GPR158: variants seen among roughly 807,000 people sequenced by gnomAD.
The protein encoded by GPR158 is metabotropic glycine receptor.
Under a neutral mutation model 78.2 loss-of-function variants are expected in GPR158, and 30 were observed. The ratio of observed to expected loss-of-function variants is 0.38; its 90% CI spans 0.29 to 0.52. The LOEUF (loss-of-function observed/expected upper bound fraction) is 0.52, where lower values mean the gene tolerates loss of function less well. Ranked by LOEUF, GPR158 falls within the 20% of genes least tolerant of loss-of-function variation. The pLI is 0.83. For synonymous variants in GPR158, 581 were observed against 591.1 expected (o/e 0.98, Z 0.25); for missense variants, 1,463 against 1,523.5 (o/e 0.96, Z 0.66).
chr10:25,419,058 A>G (rs1834709111), intron 4 of GPR158, among the ~76,000 whole-genome samples: 1 of 152,018 alleles, frequency 6.6e-6, no homozygotes, highest in Admixed American at 6.6e-5. Context: ...AAAGTTAGGT[A>G]TGTCATATTT....
chr10:25,333,959 TCAGATATTGCTTTATTTTGTAAAC>T (rs1369294549), intron 2 of GPR158, among the ~76,000 whole-genome samples: 3 of 152,134 alleles, frequency 2.0e-5, no homozygotes, highest in African/African-American at 7.2e-5. Flanking sequence ...ACAGTGTTCC[TCAGATATTGCTTTATTTTGTAAAC>T]CAGATATTGC....
intron 1 of GPR158, among the ~76,000 whole-genome samples, chr10:25,200,700 TA>T (rs1294857198): frequency 6.6e-6 from 1 of 152,088 alleles, no homozygotes; most frequent in South Asian, 2.1e-4. Context: ...TGTCCAGTGT[TA>T]AAAATCTTCT....
At chr10:25,517,087 A>G (rs1836187286) in intron 5 of GPR158, among the ~76,000 whole-genome samples, 1 of 149,472 alleles carries the variant, frequency 6.7e-6, no homozygotes, top group Non-Finnish European at 1.5e-5. Flanking sequence ...GGTCCTTCAC[A>G]TCCCTTGTAA....
intron 2 of GPR158, among the ~76,000 whole-genome samples, chr10:25,253,600 G>A (rs1853846287): frequency 6.6e-6 from 1 of 152,126 alleles, no homozygotes; most frequent in African/African-American, 2.4e-5. Flanking sequence ...ATTTTTACAA[G>A]CTTGCTGTGT....
intron 1 of GPR158, among the ~76,000 whole-genome samples, chr10:25,216,425 C>T (rs1853215089): frequency 6.6e-6 from 1 of 151,960 alleles, no homozygotes; most frequent in Admixed American, 6.6e-5. Context: ...TCTATCCATT[C>T]CTCCATAGCA....
At chr10:25,262,380 C>T (rs1301533359) in intron 2 of GPR158, among the ~76,000 whole-genome samples, 1 of 151,922 alleles carries the variant, frequency 6.6e-6, no homozygotes. Context: ...TTAATGATTG[C>T]AATACACTTT....
chr10:25,273,198 G>A (rs1164207771), intron 2 of GPR158, among the ~76,000 whole-genome samples: 2 of 152,036 alleles, frequency 1.3e-5, no homozygotes, highest in South Asian at 4.1e-4. Context: ...TGATCATCAG[G>A]TATAATGCCA....
chr10:25,449,247 T>C (rs767159398), intron 4 of GPR158, among the ~76,000 whole-genome samples: 1 of 152,238 alleles, frequency 6.6e-6, no homozygotes, highest in Admixed American at 6.5e-5. Context: ...ATGATAATGA[T>C]GTCTCATTTT....
chr10:25,471,766 A>G (rs984400857), intron 5 of GPR158, among the ~76,000 whole-genome samples: 4 of 152,272 alleles, frequency 2.6e-5, no homozygotes, highest in Admixed American at 2.0e-4. Context: ...TCTTCTTTTG[A>G]GAAGTGTCTG....
chr10:25,558,783 C>T (rs1397302831), intron 6 of GPR158, among the ~76,000 whole-genome samples: 1 of 152,056 alleles, frequency 6.6e-6, no homozygotes, highest in Non-Finnish European at 1.5e-5. Flanking sequence ...TTTTATTTTC[C>T]AAATATTAGG....
At chr10:25,220,081 G>T (rs898924664) in intron 1 of GPR158, among the ~76,000 whole-genome samples, 1 of 152,082 alleles carries the variant, frequency 6.6e-6, no homozygotes, top group Non-Finnish European at 1.5e-5. Flanking sequence ...TAAATTAGGG[G>T]TGTGGGGCCT....
intron 1 of GPR158, among the ~76,000 whole-genome samples, chr10:25,215,920 A>G (rs1853206161): frequency 1.3e-5 from 2 of 152,252 alleles, no homozygotes; most frequent in African/African-American, 2.4e-5. Flanking sequence ...GCATTTGTCT[A>G]GAAACTTTCT....
At position 25,241,360 on chromosome 10, in the gene GPR158, CTCTTT is replaced by C. The variant is rs1009774559; in HGVS notation, c.1008+20212_1008+20216del. Among the ~76,000 whole-genome samples, 86 of 104,564 alleles carry C rather than the reference CTCTTT, an allele frequency of 8.2e-4. 3 individuals are homozygous for C. The South Asian group carries it at 0.024, about 29-fold the overall frequency. The allele number at this position is 104,564 out of a possible 152,430, so 68.6% of individuals were successfully genotyped here. A position where few individuals can be genotyped will look rare whatever the true frequency, so the allele number is the denominator to read the frequency against. ...TCTTTTCTCTTTTCTCTTTTCTTTT[CTCTTT>C]TCTTTTCTCTCTTCTCTTCTCTTCT... On this transcript the variant is annotated intron_variant, in intron 2 of 10. Coordinates refer to ENST00000376351, the MANE Select transcript of GPR158 (RefSeq NM_020752.3).
chr10:25,270,779 CA>C (rs1854108133), intron 2 of GPR158, among the ~76,000 whole-genome samples: 1 of 152,160 alleles, frequency 6.6e-6, no homozygotes, highest in African/African-American at 2.4e-5. Flanking sequence ...ATCTATCCAG[CA>C]ACACCTCAGT....
intron 5 of GPR158, among the ~76,000 whole-genome samples, chr10:25,526,135 A>C (rs891674495): frequency 6.7e-6 from 1 of 148,826 alleles, no homozygotes. Flanking sequence ...AAAAAAAGTC[A>C]TAGCAATTCT....
intron 2 of GPR158, among the ~76,000 whole-genome samples, chr10:25,267,658 A>G (rs1296085426): frequency 6.6e-6 from 1 of 152,180 alleles, no homozygotes; most frequent in Admixed American, 6.6e-5. Context: ...CCATAATCTC[A>G]CTACAAATGT....
At position 25,418,638 on chromosome 10, in the gene GPR158, C is replaced by T. The variant is rs147648561; in HGVS notation, c.1335+6165C>T. 1.4e-3 allele frequency among the ~76,000 whole-genome samples: 211 copies of T among 149,286 alleles called. 1 individual carries two copies. Among genetic ancestry groups the T allele is most frequent in the Middle Eastern group, 0.011 (3 of 280 alleles). On this transcript the variant is annotated intron_variant, in intron 4 of 10. Transcript: ENST00000376351. The stretch of plus-strand genomic sequence containing the variant: ...AGTAACATTTTTCTATTCGTGATCT[C>T]AAAGAGAGAGTATGGTTCCTTACAG...
Position 25,369,262 on chromosome 10 carries a change from G to A in GPR158, c.1009-26649G>A, listed in dbSNP as rs1467766325. Among the ~76,000 whole-genome samples the A allele has an allele frequency of 4.9e-3, 729 of 150,268 alleles. 7 individuals carry two copies. Among genetic ancestry groups the A allele is most frequent in the African/African-American group, 0.017 (685 of 40,662 alleles). On this transcript the variant is annotated intron_variant, in intron 2 of 10. Transcript: ENST00000376351. ...TCTTGTGCCAGTTTTCAAAGGGAAT[G>A]CTTCCAGTTTTTGCCCATTCAGTAT...
At chr10:25,271,286 T>A (rs1339065823) in intron 2 of GPR158, among the ~76,000 whole-genome samples, 5 of 152,240 alleles carry the variant, frequency 3.3e-5, no homozygotes, top group Non-Finnish European at 7.3e-5. Context: ...TTTACAAAAA[T>A]TTTTAATTAT....
Sources: allele counts gnomAD v4.1 joint callset (sites outside exome capture counted in the v4.1 genomes callset), GRCh38; gene constraint gnomAD v4.1.1; transcripts MANE v1.5; gene names NCBI Gene and HGNC (gene_info 2026-07-23, HGNC 2026-07-21).